Variants in ITGA8 observed in about 807,000 individuals in gnomAD.
The protein encoded by ITGA8 is integrin alpha-8.
In ITGA8, 91 loss-of-function variants were observed where a neutral mutation model predicts 142.3. The ratio of observed to expected loss-of-function variants is 0.64; its 90% CI spans 0.54 to 0.76. The LOEUF is 0.76. Ranked by LOEUF, ITGA8 falls within the 30% of genes least tolerant of loss-of-function variation. ITGA8 has a pLI of 0.00. For missense variants in ITGA8, 1,406 were observed against 1,327.7 expected (o/e 1.06, Z -0.92); for synonymous variants, 505 against 485.2 (o/e 1.04, Z -0.54).
chr10:15,578,531 G>T (rs1834340751), intron 23 of ITGA8, among the ~76,000 whole-genome samples: 1 of 152,052 alleles, frequency 6.6e-6, no homozygotes, highest in South Asian at 2.1e-4. Flanking sequence ...AAGGAATTAG[G>T]TTTTCAGTAA....
Position 15,594,426 on chromosome 10 carries a change from T to G in ITGA8, c.2212-2122A>C, listed in dbSNP as rs549506360. Among the ~76,000 whole-genome samples, 3 of 152,232 alleles carry G rather than the reference T, an allele frequency of 2.0e-5. No individual in the cohort carries two copies. The South Asian group carries it at 6.2e-4, about 32-fold the overall frequency. Reference sequence around the variant, plus strand: ...TTTCTTATTGAGTGAAGGTTGTATGTTTTTATCTTTATATTGCCGACTCTA... The same window carrying G: ...TTTCTTATTGAGTGAAGGTTGTATGGTTTTATCTTTATATTGCCGACTCTA... On this transcript the variant is annotated intron_variant, in intron 21 of 29. Coordinates refer to ENST00000378076, the MANE Select transcript of ITGA8 (RefSeq NM_003638.3).
intron 23 of ITGA8, among the ~76,000 whole-genome samples, chr10:15,575,825 A>G (rs1213595834): frequency 6.6e-6 from 1 of 152,222 alleles, no homozygotes; most frequent in East Asian, 1.9e-4. Context: ...ACTATTTTAT[A>G]GCATCTCATC....
chr10:15,535,497 AATC>A (rs1449840945), intron 27 of ITGA8, among the ~76,000 whole-genome samples: 5 of 152,186 alleles, frequency 3.3e-5, no homozygotes, highest in Admixed American at 6.5e-5. Context: ...TAAACACACC[AATC>A]AGCACCCTGT....
At chr10:15,694,518 T>C (rs1835010126) in intron 2 of ITGA8, among the ~76,000 whole-genome samples, 2 of 137,766 alleles carry the variant, frequency 1.5e-5, no homozygotes, top group Admixed American at 1.5e-4. Context: ...TAATATATTA[T>C]AGATTTATAA....
At chr10:15,690,380 C>A (rs114231448) in intron 2 of ITGA8, among the ~76,000 whole-genome samples, 1 of 152,186 alleles carries the variant, frequency 6.6e-6, no homozygotes, top group African/African-American at 2.4e-5. Context: ...GCCATGCCAG[C>A]GCTGCACCCT....
At chr10:15,645,674 CT>C (rs1833966687) in intron 12 of ITGA8, among the ~76,000 whole-genome samples, 1 of 152,154 alleles carries the variant, frequency 6.6e-6, no homozygotes, top group Non-Finnish European at 1.5e-5. Context: ...GATGTGAATA[CT>C]TCCAAGGCTA....
intron 5 of ITGA8, 136 bp from the exon 6 acceptor site, chr10:15,677,773 C>T (rs545757300): frequency 2.1e-5 from 13 of 633,988 alleles, no homozygotes; most frequent in Non-Finnish European, 2.9e-5. Flanking sequence ...AAAAGAGATC[C>T]TTCGGAGGCC....
intron 11 of ITGA8, among the ~76,000 whole-genome samples, chr10:15,649,921 A>G (rs957877435): frequency 6.6e-6 from 1 of 152,222 alleles, no homozygotes; most frequent in Non-Finnish European, 1.5e-5. Context: ...TTACCACACA[A>G]TCACAAAATT....
intron 26 of ITGA8, among the ~76,000 whole-genome samples, chr10:15,553,717 C>G (rs1032765958): frequency 6.6e-6 from 1 of 152,104 alleles, no homozygotes; most frequent in East Asian, 1.9e-4. Flanking sequence ...AAAAAGTTAT[C>G]CAGCTGGGCA....
chr10:15,689,486 C>T (rs1190000518), intron 2 of ITGA8, among the ~76,000 whole-genome samples: 3 of 152,208 alleles, frequency 2.0e-5, no homozygotes, highest in African/African-American at 7.2e-5. Flanking sequence ...TGAGCCCCAT[C>T]ACTGTCGTGG....
At chr10:15,684,617 C>G (rs1834802361) in intron 3 of ITGA8, among the ~76,000 whole-genome samples, 1 of 152,092 alleles carries the variant, frequency 6.6e-6, no homozygotes, top group Non-Finnish European at 1.5e-5. Flanking sequence ...AAGTGATCCT[C>G]TTGTCTCAGC....
chr10:15,584,522 A>G (rs1168113925), intron 23 of ITGA8, among the ~76,000 whole-genome samples: 1 of 152,106 alleles, frequency 6.6e-6, no homozygotes, highest in Non-Finnish European at 1.5e-5. Context: ...GATAACAGAA[A>G]CTTCACCCAC....
At chr10:15,533,362 T>A (rs1833350679) in intron 27 of ITGA8, among the ~76,000 whole-genome samples, 1 of 152,234 alleles carries the variant, frequency 6.6e-6, no homozygotes, top group African/African-American at 2.4e-5. Flanking sequence ...ATCTCTTCTC[T>A]CTTAGCATTT....
At chr10:15,579,610 TAAAAATAAG>T (rs2131586568) in intron 23 of ITGA8, among the ~76,000 whole-genome samples, 1 of 152,134 alleles carries the variant, frequency 6.6e-6, no homozygotes, top group South Asian at 2.1e-4. Flanking sequence ...TGAAAAGATA[TAAAAATAAG>T]ATAGTAGAAA....
chr10:15,621,408 G>T (rs1833489003), intron 13 of ITGA8, among the ~76,000 whole-genome samples: 1 of 152,122 alleles, frequency 6.6e-6, no homozygotes, highest in South Asian at 2.1e-4. Flanking sequence ...AAAATGTGAG[G>T]TCATAGGAGA....
At chr10:15,545,740 T>G (rs73598784) in intron 27 of ITGA8, among the ~76,000 whole-genome samples, 1 of 152,156 alleles carries the variant, frequency 6.6e-6, no homozygotes, top group African/African-American at 2.4e-5. Flanking sequence ...AATTCAGTAT[T>G]GTGTGCCTGA....
chr10:15,641,367 C>T (rs1833868543), intron 13 of ITGA8, among the ~76,000 whole-genome samples: 1 of 152,290 alleles, frequency 6.6e-6, no homozygotes, highest in South Asian at 2.1e-4. Context: ...AAGAAAGTTA[C>T]ATGTCTGATT....
chr10:15,660,862 G>GC lies in ITGA8; in HGVS notation c.891+16dup. ...CAAGAAAATACCCTATTCCTGTAAT[G>GC]CATTCTCAGTACTCACATATCCAAA... is the stretch of plus-strand genomic sequence containing the variant. On this transcript the variant is annotated intron_variant, in intron 9 of 29. Coordinates refer to ENST00000378076, the MANE Select transcript of ITGA8 (RefSeq NM_003638.3). The GC allele has an allele frequency of 6.2e-7, 1 of 1,603,092 alleles. No homozygotes were observed. Among genetic ancestry groups the GC allele is most frequent in the South Asian group, 1.1e-5 (1 of 90,838 alleles).
chr10:15,554,751 T>C (rs537321446), intron 26 of ITGA8, among the ~76,000 whole-genome samples: 5 of 145,104 alleles, frequency 3.4e-5, no homozygotes, highest in South Asian at 2.2e-4. Context: ...TTCTTTCTTT[T>C]TTTTTTAATG....
Sources: allele counts gnomAD v4.1 joint callset (sites outside exome capture counted in the v4.1 genomes callset), GRCh38; gene constraint gnomAD v4.1.1; transcripts MANE v1.5; gene names NCBI Gene and HGNC (gene_info 2026-07-23, HGNC 2026-07-21).